TSHZ1: variants seen among roughly 807,000 people sequenced by gnomAD.
TSHZ1 encodes the protein teashirt zinc finger homeobox 1, also known as teashirt homolog 1.
TSHZ1 carries 12 observed loss-of-function variants against 67.1 expected under a neutral mutation model. The ratio of observed to expected loss-of-function variants is 0.18; its 90% CI spans 0.11 to 0.29. The LOEUF (loss-of-function observed/expected upper bound fraction) is 0.29. TSHZ1 is among the 10% of genes least tolerant of loss of function. TSHZ1 has a pLI of 1.00. For missense variants in TSHZ1, 1,305 were observed against 1,413.9 expected (o/e 0.92, Z 1.23); for synonymous variants, 632 against 622.4 (o/e 1.02, Z -0.23).
chr18:75,233,823 G>A (rs1186169134), intron 1 of TSHZ1, among the ~76,000 whole-genome samples: 17 of 152,026 alleles, frequency 1.1e-4, no homozygotes, highest in Non-Finnish European at 8.8e-5. Context: ...TTTTTCTAGC[G>A]AGCATCCGCA....
intron 1 of TSHZ1, among the ~76,000 whole-genome samples, chr18:75,237,783 CT>C (rs1304179824): frequency 1.1e-5 from 1 of 90,422 alleles, no homozygotes; most frequent in East Asian, 5.3e-4. Context: ...CTGAAGCCTT[CT>C]TTCTTTCATT....
At chr18:75,258,050 C>T (rs923611841) in intron 1 of TSHZ1, among the ~76,000 whole-genome samples, 4 of 152,156 alleles carry the variant, frequency 2.6e-5, no homozygotes, top group Non-Finnish European at 4.4e-5. Flanking sequence ...GCGGCCTCGA[C>T]CTGCTCCTAG....
At chr18:75,265,562 C>T (rs2023480339) in intron 1 of TSHZ1, among the ~76,000 whole-genome samples, 2 of 152,184 alleles carry the variant, frequency 1.3e-5, no homozygotes, top group African/African-American at 2.4e-5. Flanking sequence ...TTCTTTGCTG[C>T]ATAAAGTGTC....
rs559666607 is a variant in TSHZ1, at chr18:75,218,455, C to CAGTT, written c.40+6541_40+6544dup. ...ATGAAGGGGAACAGCTCCTCCTGTA[C>CAGTT]AGTTATTAGCTGCTGATTAAATGTG... is the stretch of plus-strand genomic sequence containing the variant. On this transcript the variant is annotated intron_variant, in intron 1 of 1. Coordinates refer to ENST00000580243, the MANE Select transcript of TSHZ1 (RefSeq NM_001308210.2). Among the ~76,000 whole-genome samples the CAGTT allele has an allele frequency of 1.3e-4, 20 of 152,362 alleles. No individual in the cohort carries two copies. The South Asian group carries it at 3.9e-3, about 30-fold the overall frequency.
At chr18:75,267,237 G>A (rs760153600) in intron 1 of TSHZ1, among the ~76,000 whole-genome samples, 19 of 152,174 alleles carry the variant, frequency 1.2e-4, no homozygotes, top group Non-Finnish European at 1.8e-4. Context: ...GTGTGAAGCC[G>A]TCTTTTTCCG....
chr18:75,282,256 A>G (rs1232387586), intron 1 of TSHZ1, among the ~76,000 whole-genome samples: 2 of 152,132 alleles, frequency 1.3e-5, no homozygotes, highest in African/African-American at 2.4e-5. Context: ...AGGGTGCAGC[A>G]TGGTGTGGGA....
At chr18:75,218,410 G>A (rs1330873654) in intron 1 of TSHZ1, among the ~76,000 whole-genome samples, 2 of 152,182 alleles carry the variant, frequency 1.3e-5, no homozygotes, top group African/African-American at 2.4e-5. Context: ...TAGTGTATTA[G>A]CAATTTTGCA....
Position 75,288,661 on chromosome 18 carries a change from C to T in TSHZ1, c.*20C>T. ...CAGTAGCGTCCAGGTATGCAAGAGA[C>T]CGCGGAACATTGCACTAAACGTCGT... is the stretch of plus-strand genomic sequence containing the variant. On this transcript the variant is annotated 3_prime_UTR_variant, in exon 2 of 2. Coordinates refer to ENST00000580243, the MANE Select transcript of TSHZ1 (RefSeq NM_001308210.2). The surrounding 1 kb of genome is among the most constrained non-coding windows in gnomAD (Gnocchi z 4.9). The T allele has an allele frequency of 6.4e-7, 1 of 1,556,152 alleles. No homozygotes were observed. Among genetic ancestry groups the T allele is most frequent in the South Asian group, 1.2e-5 (1 of 80,666 alleles).
At chr18:75,214,758 G>A (rs1042210280) in intron 1 of TSHZ1, among the ~76,000 whole-genome samples, 2 of 152,246 alleles carry the variant, frequency 1.3e-5, no homozygotes, top group African/African-American at 2.4e-5. Flanking sequence ...TGGTCCCTTC[G>A]TAATGAAGCG....
At chr18:75,214,190 A>G (rs1361130513) in intron 1 of TSHZ1, among the ~76,000 whole-genome samples, 1 of 152,196 alleles carries the variant, frequency 6.6e-6, no homozygotes, top group African/African-American at 2.4e-5. Context: ...CTAGCAAAAT[A>G]AGGCTGTTTG....
intron 1 of TSHZ1, among the ~76,000 whole-genome samples, chr18:75,275,294 C>T (rs1249900669): frequency 1.3e-5 from 2 of 152,136 alleles, no homozygotes; most frequent in South Asian, 2.1e-4. Context: ...TCCTCTGAGA[C>T]CCTTGGAAAG....
At chr18:75,233,054 G>T (rs1257648511) in intron 1 of TSHZ1, among the ~76,000 whole-genome samples, 1 of 152,208 alleles carries the variant, frequency 6.6e-6, no homozygotes, top group African/African-American at 2.4e-5. Context: ...TAGCCTGCCT[G>T]TGTCCAGCAG....
rs377539320 is a variant in TSHZ1 at position 75,240,575 on chromosome 18, G to C, written c.40+28659G>C. Among the ~76,000 whole-genome samples, 8 of 152,208 alleles carry C rather than the reference G, an allele frequency of 5.3e-5. No homozygotes were observed. The East Asian group carries it at 5.8e-4, about 11-fold the overall frequency. ...TGAGATTTTATGATCTCAGTCCATG[G>C]GTTTCTCTCAGCTGGAGCACACTGT... is the stretch of plus-strand genomic sequence containing the variant. On this transcript the variant is annotated intron_variant, in intron 1 of 1. Coordinates refer to ENST00000580243, the MANE Select transcript of TSHZ1 (RefSeq NM_001308210.2).
intron 1 of TSHZ1, among the ~76,000 whole-genome samples, chr18:75,277,211 C>G (rs923284496): frequency 7.9e-5 from 12 of 152,204 alleles, no homozygotes; most frequent in Non-Finnish European, 1.5e-4. Flanking sequence ...GATGCTGGCT[C>G]AGCTTCAGTC....
intron 1 of TSHZ1, among the ~76,000 whole-genome samples, chr18:75,212,211 T>C (rs1599365267): frequency 6.6e-6 from 1 of 152,126 alleles, no homozygotes; most frequent in Non-Finnish European, 1.5e-5. Context: ...TCTGGCTACC[T>C]CAGGAGGGGG....
intron 1 of TSHZ1, 172 bp from the exon 2 acceptor site, chr18:75,285,276 C>A: frequency 3.0e-6 from 2 of 663,680 alleles, no homozygotes; most frequent in South Asian, 3.4e-5. Flanking sequence ...GAGGGGACAG[C>A]ACCTTTTGAA....
intron 1 of TSHZ1, among the ~76,000 whole-genome samples, chr18:75,232,827 A>G (rs187681949): frequency 1.0e-4 from 16 of 152,392 alleles, no homozygotes; most frequent in African/African-American, 3.8e-4. Flanking sequence ...CAGCTTAAAC[A>G]TGAGATTTTC....
chr18:75,250,714 G>C (rs1022361037), intron 1 of TSHZ1, among the ~76,000 whole-genome samples: 6 of 152,256 alleles, frequency 3.9e-5, no homozygotes, highest in African/African-American at 1.4e-4. Context: ...GAGCTCGTGG[G>C]CCGGGCCTTT....
At chr18:75,249,405 G>A (rs2023265020) in intron 1 of TSHZ1, among the ~76,000 whole-genome samples, 1 of 150,844 alleles carries the variant, frequency 6.6e-6, no homozygotes. Flanking sequence ...GGTGGCGCAG[G>A]GTGCAGGCGG....
Sources: gnomAD v4.1 joint callset for allele counts (sites outside exome capture counted in the v4.1 genomes callset) on GRCh38, gnomAD v4.1.1 for gene constraint, Gnocchi (gnomAD v3.1) non-coding constraint, MANE v1.5 for transcripts, NCBI Gene and HGNC (gene_info 2026-07-23, HGNC 2026-07-21) for gene names.